NDST3: variants seen among roughly 807,000 people sequenced by gnomAD.
The protein encoded by NDST3 is bifunctional heparan sulfate N-deacetylase/N-sulfotransferase 3.
NDST3 carries 58 observed loss-of-function variants against 96.1 expected under a neutral mutation model. That is an observed-to-expected ratio of 0.60 (90% CI 0.49 to 0.75). The LOEUF is 0.75. NDST3 is among the 30% of genes least tolerant of loss of function. NDST3 has a pLI of 0.00. For synonymous variants in NDST3, 333 were observed against 359.7 expected, an observed-to-expected ratio of 0.93 and a Z score of 0.84; for missense variants, 788 against 1,034.2, an observed-to-expected ratio of 0.76 and a Z score of 3.27.
chr4:118,151,574 T>C (rs975038762), intron 6 of NDST3, among the ~76,000 whole-genome samples: 4 of 151,940 alleles, frequency 2.6e-5, no homozygotes, highest in Non-Finnish European at 5.9e-5. Flanking sequence ...GCGCTTTAGG[T>C]AAATGTTAGG....
intron 2 of NDST3, 151 bp downstream of exon 2, chr4:118,055,042 C>A: frequency 1.1e-6 from 1 of 897,042 alleles, no homozygotes; most frequent in Admixed American, 2.0e-5. Flanking sequence ...CCTAAATCAA[C>A]TAAGAAGATT....
intron 2 of NDST3, among the ~76,000 whole-genome samples, chr4:118,095,991 G>A (rs932532605): frequency 2.0e-5 from 3 of 151,858 alleles, no homozygotes; most frequent in African/African-American, 7.3e-5. Context: ...CATTTCAATT[G>A]TTTCTACTTT....
intron 4 of NDST3, among the ~76,000 whole-genome samples, chr4:118,128,655 GAT>G (rs1359175060): frequency 6.6e-6 from 1 of 151,706 alleles, no homozygotes; most frequent in Non-Finnish European, 1.5e-5. Flanking sequence ...TTCTTTTTTT[GAT>G]GTGTCTTTAT....
chr4:118,202,146 T>A (rs1027680348), intron 6 of NDST3, among the ~76,000 whole-genome samples: 1 of 152,212 alleles, frequency 6.6e-6, no homozygotes, highest in African/African-American at 2.4e-5. Context: ...TTTGTCTTTG[T>A]CTGTTTCTGT....
At chr4:118,205,595 G>A (rs1560716872) in intron 6 of NDST3, among the ~76,000 whole-genome samples, 1 of 144,348 alleles carries the variant, frequency 6.9e-6, no homozygotes, top group Non-Finnish European at 1.5e-5. Context: ...TTTAGAGACA[G>A]AGTTCAAGAT....
At chr4:118,152,286 A>G (rs549665990) in intron 6 of NDST3, among the ~76,000 whole-genome samples, 1 of 152,300 alleles carries the variant, frequency 6.6e-6, no homozygotes, top group African/African-American at 2.4e-5. Flanking sequence ...GAGTTGATAT[A>G]GTTTAAAGAC....
chr4:118,115,074 G>T, intron 4 of NDST3, 114 bp downstream of exon 4: 1 of 1,138,636 alleles, frequency 8.8e-7, no homozygotes. Flanking sequence ...TGATCATTTG[G>T]AATATTTTGG....
chr4:118,108,285 T>G (rs1560648638), intron 3 of NDST3, among the ~76,000 whole-genome samples: 1 of 152,222 alleles, frequency 6.6e-6, no homozygotes, highest in East Asian at 1.9e-4. Flanking sequence ...ACAAGAGAGA[T>G]GAAAAGAAGA....
intron 2 of NDST3, among the ~76,000 whole-genome samples, chr4:118,103,249 G>T (rs1157705748): frequency 6.6e-6 from 1 of 152,024 alleles, no homozygotes; most frequent in Admixed American, 6.6e-5. Context: ...TGTTCAAATA[G>T]ATTTCGAATC....
chr4:118,146,854 A>G (rs1367923412), intron 6 of NDST3, among the ~76,000 whole-genome samples: 1 of 152,166 alleles, frequency 6.6e-6, no homozygotes. Flanking sequence ...GCCTGGAACC[A>G]TTGAGATTTC....
intron 6 of NDST3, among the ~76,000 whole-genome samples, chr4:118,149,697 G>C (rs1253215040): frequency 8.0e-5 from 12 of 150,184 alleles, no homozygotes; most frequent in Admixed American, 6.0e-4. Context: ...CATGTCGTCT[G>C]CAAACAGGGA....
In NDST3 at chr4:118,066,351, ATATCATATGT is replaced by A. The variant is rs1726453998; in HGVS notation, c.981+11464_981+11473del. 6.3e-5 allele frequency among the ~76,000 whole-genome samples: 5 copies of A among 79,706 alleles called. 1 individual carries two copies. Among genetic ancestry groups the A allele is most frequent in the African/African-American group, 2.9e-4 (5 of 17,534 alleles). The allele number at this position is 79,706 out of a possible 152,430, so 52.3% of individuals were successfully genotyped here. A position where few individuals can be genotyped will look rare whatever the true frequency, so the allele number is the denominator to read the frequency against. On this transcript the variant is annotated intron_variant, in intron 2 of 13. Transcript: ENST00000296499. ...ATGTATTATATATATTATATATCAT[ATATCATATGT>A]TATATATTATATATCATATATCATA...
intron 7 of NDST3, 76 bp downstream of exon 7, chr4:118,224,749 A>T (rs1739766273): frequency 7.6e-7 from 1 of 1,319,644 alleles, no homozygotes; most frequent in South Asian, 1.9e-5. Context: ...AAATTTGAAA[A>T]GTGAAGGCAC....
chr4:118,036,165 A>G (rs1287040042), intron 1 of NDST3, among the ~76,000 whole-genome samples: 2 of 152,130 alleles, frequency 1.3e-5, no homozygotes, highest in Non-Finnish European at 2.9e-5. Flanking sequence ...CTGTCATTTC[A>G]AAATTTTAAA....
At chr4:118,087,130 G>A (rs951818132) in intron 2 of NDST3, among the ~76,000 whole-genome samples, 1 of 152,056 alleles carries the variant, frequency 6.6e-6, no homozygotes, top group Non-Finnish European at 1.5e-5. Flanking sequence ...TATTTACTGT[G>A]TGGGTTTAAG....
At chr4:118,240,750 G>A (rs1740956770) in intron 11 of NDST3, 56 bp downstream of exon 11, 1 of 1,479,570 alleles carries the variant, frequency 6.8e-7, no homozygotes, top group African/African-American at 1.4e-5. Flanking sequence ...TGATGACTTT[G>A]CCTTAAGGTT....
chr4:118,209,070 G>A (rs1353152259), intron 6 of NDST3, among the ~76,000 whole-genome samples: 3 of 152,092 alleles, frequency 2.0e-5, no homozygotes, highest in Non-Finnish European at 4.4e-5. Context: ...CAATTTTCTG[G>A]AAAGTTTTTG....
chr4:118,181,907 AC>A (rs926275562), intron 6 of NDST3, among the ~76,000 whole-genome samples: 17 of 152,316 alleles, frequency 1.1e-4, no homozygotes, highest in South Asian at 4.1e-4. Flanking sequence ...AAAATTTTAA[AC>A]CAAAGGTATA....
At chr4:118,066,640 T>TTATATATAATATGTTATATATTTTATATA (rs1726592842) in intron 2 of NDST3, among the ~76,000 whole-genome samples, 1 of 15,068 alleles carries the variant, frequency 6.6e-5, no homozygotes, top group African/African-American at 1.3e-4. Context: ...TATATATACA[T>TTATATATAATATGTTATATATTTTATATA]TATATATAAC....
Sources: allele counts gnomAD v4.1 joint callset (sites outside exome capture counted in the v4.1 genomes callset), GRCh38; gene constraint gnomAD v4.1.1; transcripts MANE v1.5; gene names NCBI Gene and HGNC (gene_info 2026-07-23, HGNC 2026-07-21).